COL25A1: variants seen among roughly 807,000 people sequenced by gnomAD.
The protein encoded by COL25A1 is collagen type XXV alpha 1 chain.
Under a neutral mutation model 128.4 loss-of-function variants are expected in COL25A1, and 103 were observed. The observed-to-expected ratio is 0.80, with a 90% confidence interval of 0.68 to 0.94. COL25A1 has a LOEUF of 0.94. COL25A1 is among the 40% of genes least tolerant of loss of function. The pLI, the probability that COL25A1 is intolerant of heterozygous loss-of-function variation, is 0.00. For synonymous variants in COL25A1, 279 were observed against 277.2 expected (o/e 1.01, Z -0.06); for missense variants, 745 against 840.0 (o/e 0.89, Z 1.40).
chr4:108,896,286 C>T (rs1222433907), intron 16 of COL25A1, among the ~76,000 whole-genome samples: 1 of 151,946 alleles, frequency 6.6e-6, no homozygotes, highest in Non-Finnish European at 1.5e-5. Flanking sequence ...CTGACATGTT[C>T]TCTCCTGAAA....
intron 12 of COL25A1, among the ~76,000 whole-genome samples, chr4:108,919,385 TA>T (rs1745235367): frequency 6.6e-6 from 1 of 152,172 alleles, no homozygotes; most frequent in Non-Finnish European, 1.5e-5. Context: ...ACACCATGCT[TA>T]ATAGAGACAT....
intron 37 of COL25A1, among the ~76,000 whole-genome samples, chr4:108,814,307 ATCT>A (rs36070019): frequency 0.17 from 25,948 of 152,080 alleles, 2,503 homozygotes; most frequent in Non-Finnish European, 0.23. Context: ...AACCTACATA[ATCT>A]TCTGCACGCA....
intron 3 of COL25A1, among the ~76,000 whole-genome samples, chr4:109,203,201 G>C (rs1426344280): frequency 6.6e-6 from 1 of 152,012 alleles, no homozygotes; most frequent in Non-Finnish European, 1.5e-5. Flanking sequence ...ATGCATATGA[G>C]GGATAATCAG....
At chr4:108,841,314 G>A (rs1404458449) in intron 31 of COL25A1, among the ~76,000 whole-genome samples, 1 of 152,016 alleles carries the variant, frequency 6.6e-6, no homozygotes, top group Non-Finnish European at 1.5e-5. Flanking sequence ...TGACTACATG[G>A]CAAGCAAGAA....
chr4:108,943,646 T>C (rs1748395398), intron 8 of COL25A1, among the ~76,000 whole-genome samples: 1 of 152,160 alleles, frequency 6.6e-6, no homozygotes, highest in Non-Finnish European at 1.5e-5. Context: ...AAAAGCGGTT[T>C]TGAATTCCTT....
At chr4:109,048,043 A>C in intron 5 of COL25A1, 125 bp downstream of exon 5, 2 of 1,104,142 alleles carry the variant, frequency 1.8e-6, no homozygotes, top group Admixed American at 1.9e-5. Flanking sequence ...CTTTAAGTAT[A>C]CTCTTAAAAG....
intron 3 of COL25A1, among the ~76,000 whole-genome samples, chr4:109,058,103 T>C (rs917495986): frequency 7.9e-5 from 12 of 152,214 alleles, no homozygotes; most frequent in African/African-American, 2.2e-4. Context: ...GAATATTCCA[T>C]AGAAACTGTT....
At chr4:109,030,041 G>C (rs780256878) in intron 5 of COL25A1, among the ~76,000 whole-genome samples, 12 of 152,022 alleles carry the variant, frequency 7.9e-5, no homozygotes, top group Non-Finnish European at 1.6e-4. Context: ...CACACCTCCT[G>C]CTCCTCAGAG....
At chr4:108,847,204 C>G (rs1735218241) in intron 27 of COL25A1, among the ~76,000 whole-genome samples, 1 of 151,930 alleles carries the variant, frequency 6.6e-6, no homozygotes, top group Admixed American at 6.6e-5. Context: ...CCATGCCTGG[C>G]CTGAATTTTA....
At chr4:109,096,659 T>C (rs1330583267) in intron 3 of COL25A1, among the ~76,000 whole-genome samples, 3 of 151,604 alleles carry the variant, frequency 2.0e-5, no homozygotes, top group Non-Finnish European at 4.4e-5. Flanking sequence ...TATTAAAAGT[T>C]ATATAGATTT....
intron 8 of COL25A1, among the ~76,000 whole-genome samples, chr4:108,944,996 A>G (rs1748555379): frequency 2.0e-5 from 3 of 152,162 alleles, no homozygotes. Context: ...CTTATATTCT[A>G]ACAAAAATCC....
At chr4:108,931,406 C>A (rs1365685653) in intron 11 of COL25A1, among the ~76,000 whole-genome samples, 1 of 152,092 alleles carries the variant, frequency 6.6e-6, no homozygotes, top group East Asian at 1.9e-4. Flanking sequence ...AATAATAGAG[C>A]TGATTCACAG....
intron 8 of COL25A1, among the ~76,000 whole-genome samples, chr4:108,943,971 C>T (rs1748438927): frequency 6.6e-6 from 1 of 152,152 alleles, no homozygotes; most frequent in African/African-American, 2.4e-5. Context: ...ACATTTTCTA[C>T]ATTTTTAATT....
intron 6 of COL25A1, among the ~76,000 whole-genome samples, chr4:108,990,058 C>T (rs1214578608): frequency 6.6e-6 from 1 of 150,590 alleles, no homozygotes; most frequent in Non-Finnish European, 1.5e-5. Context: ...ACTAAAAATA[C>T]CAAAAATTAG....
chr4:108,887,202 C>A (rs13119923), intron 18 of COL25A1, among the ~76,000 whole-genome samples: 81,071 of 151,908 alleles, frequency 0.53, 23,083 homozygotes, highest in East Asian at 1. Flanking sequence ...AAAGACCACA[C>A]GGTGGAAAGC....
chr4:108,854,295 G>A (rs1736194320), intron 24 of COL25A1, among the ~76,000 whole-genome samples: 1 of 152,028 alleles, frequency 6.6e-6, no homozygotes, highest in African/African-American at 2.4e-5. Flanking sequence ...TACCATTCAG[G>A]TCATAGGTAT....
intron 32 of COL25A1, among the ~76,000 whole-genome samples, chr4:108,828,341 G>T (rs1020228455): frequency 5.9e-5 from 9 of 151,994 alleles, no homozygotes; most frequent in Non-Finnish European, 1.2e-4. Flanking sequence ...CACCATGTTG[G>T]CCGGGCTGGT....
chr4:109,285,325 G>C (rs1025178637), intron 3 of COL25A1, among the ~76,000 whole-genome samples: 47 of 152,226 alleles, frequency 3.1e-4, no homozygotes, highest in African/African-American at 1.1e-3. Flanking sequence ...TAACAAAAAG[G>C]TGAAGTTTTC....
chr4:109,152,264 A>G (rs549587647), intron 3 of COL25A1, among the ~76,000 whole-genome samples: 139 of 152,346 alleles, frequency 9.1e-4, no homozygotes, highest in Non-Finnish European at 1.1e-3. Flanking sequence ...TTAACTTAGC[A>G]GAATACAGTA....
Sources: gnomAD v4.1 joint callset for allele counts (sites outside exome capture counted in the v4.1 genomes callset) on GRCh38, gnomAD v4.1.1 for gene constraint, MANE v1.5 for transcripts, NCBI Gene and HGNC (gene_info 2026-07-23, HGNC 2026-07-21) for gene names.